The following BCAR3 variants were observed in gnomAD, a reference collection of about 807,000 sequenced individuals.
BCAR3 encodes the protein BCAR3 adaptor protein, NSP family member, also known as breast cancer anti-estrogen resistance protein 3.
Under a neutral mutation model 80.1 loss-of-function variants are expected in BCAR3, and 37 were observed. That is an observed-to-expected ratio of 0.46 (90% CI 0.36 to 0.61). The LOEUF is 0.61. Among genes scored for constraint, BCAR3 ranks in the 20% least tolerant of loss-of-function variants. BCAR3 has a pLI of 0.00. For synonymous variants in BCAR3, 389 were observed against 418.9 expected (o/e 0.93, Z 0.87); for missense variants, 978 against 1,068.2 (o/e 0.92, Z 1.18).
chr1:93,634,347 C>A (rs1675712841), intron 3 of BCAR3, among the ~76,000 whole-genome samples: 2 of 151,976 alleles, frequency 1.3e-5, no homozygotes, highest in South Asian at 4.2e-4. Context: ...CAGGTCTTTC[C>A]CATGCTGTTC....
At chr1:93,659,555 T>C (rs749192676) in intron 2 of BCAR3, among the ~76,000 whole-genome samples, 1 of 151,774 alleles carries the variant, frequency 6.6e-6, no homozygotes, top group African/African-American at 2.4e-5. Flanking sequence ...TCTACTATAA[T>C]AGAAATATAT....
intron 2 of BCAR3, among the ~76,000 whole-genome samples, chr1:93,796,181 C>T (rs951344786): frequency 8.9e-6 from 1 of 112,708 alleles, no homozygotes; most frequent in African/African-American, 4.5e-5. Context: ...TGGTGGGCTC[C>T]ACCCAGTTCG....
At chr1:93,565,943 T>C (rs1219134836) in intron 11 of BCAR3, among the ~76,000 whole-genome samples, 1 of 152,226 alleles carries the variant, frequency 6.6e-6, no homozygotes, top group Non-Finnish European at 1.5e-5. Flanking sequence ...ATGACTGCCT[T>C]GGCAAAGCCC....
chr1:93,793,248 C>A (rs1653177210), intron 2 of BCAR3, among the ~76,000 whole-genome samples: 1 of 58,242 alleles, frequency 1.7e-5, no homozygotes, highest in African/African-American at 1.2e-4. Context: ...CCTCCTTGCA[C>A]CTCTGGTAGA....
chr1:93,668,702 C>CTTT (rs113398047), intron 2 of BCAR3, among the ~76,000 whole-genome samples: 42 of 144,064 alleles, frequency 2.9e-4, no homozygotes, highest in African/African-American at 1.0e-3. Context: ...CTAATAAAAG[C>CTTT]TTTTTTTTTT....
chr1:93,723,644 C>T (rs953159585), intron 2 of BCAR3: 1 of 152,174 alleles, frequency 6.6e-6, no homozygotes, highest in African/African-American at 2.4e-5. Context: ...CTTTCTCTGC[C>T]ACAGGAGCCT....
Position 93,719,633 on chromosome 1 carries a change from T to C in BCAR3, c.-62-13491A>G, listed in dbSNP as rs371107408. ...CTGGGATTACAGGTGTCAGCCACCCTGCCCAGCCTCTATATTTAAACTTTC... is the reference window on the plus strand; with the variant it reads ...CTGGGATTACAGGTGTCAGCCACCCCGCCCAGCCTCTATATTTAAACTTTC... On this transcript the variant is annotated intron_variant, in intron 2 of 13. Transcript: ENST00000370244. 1.5e-3 allele frequency among the ~76,000 whole-genome samples: 235 copies of C among 152,258 alleles called. 1 individual carries two copies. Among genetic ancestry groups the C allele is most frequent in the African/African-American group, 5.4e-3 (226 of 41,544 alleles).
chr1:93,701,717 A>G (rs566821614), intron 3 of BCAR3, among the ~76,000 whole-genome samples: 1 of 152,222 alleles, frequency 6.6e-6, no homozygotes, highest in East Asian at 1.9e-4. Context: ...GCCTCTCTCC[A>G]AGGATGATTC....
At chr1:93,748,110 A>T (rs1301114408) in intron 2 of BCAR3, among the ~76,000 whole-genome samples, 5 of 152,118 alleles carry the variant, frequency 3.3e-5, no homozygotes, top group Non-Finnish European at 2.9e-5. Flanking sequence ...TAATTCATTC[A>T]TTTATTTATT....
chr1:93,799,776 T>G (rs1274589168), intron 2 of BCAR3, among the ~76,000 whole-genome samples: 1 of 152,186 alleles, frequency 6.6e-6, no homozygotes, highest in African/African-American at 2.4e-5. Context: ...TGAAAAATAG[T>G]TGGGCTTCCA....
intron 2 of BCAR3, among the ~76,000 whole-genome samples, chr1:93,785,120 A>C (rs1253654541): frequency 6.6e-6 from 1 of 152,236 alleles, no homozygotes; most frequent in South Asian, 2.1e-4. Context: ...GTGTCCTTCA[A>C]ACAAGAAACA....
chr1:93,767,757 T>C, intron 2 of BCAR3, among the ~76,000 whole-genome samples: 1 of 152,150 alleles, frequency 6.6e-6, no homozygotes, highest in African/African-American at 2.4e-5. Context: ...AATCCTAATG[T>C]AACAGAAATA....
intron 7 of BCAR3, among the ~76,000 whole-genome samples, chr1:93,576,586 A>G (rs1425185704): frequency 6.6e-6 from 1 of 152,194 alleles, no homozygotes; most frequent in Admixed American, 6.5e-5. Flanking sequence ...TTCTCACTTA[A>G]CAGCCACAGC....
At chr1:93,574,911 T>C (rs1286539375) in intron 8 of BCAR3, among the ~76,000 whole-genome samples, 1 of 152,218 alleles carries the variant, frequency 6.6e-6, no homozygotes, top group Non-Finnish European at 1.5e-5. Flanking sequence ...TCCTCCCACA[T>C]GGCTGCAATT....
At chr1:93,774,858 G>A (rs372847178) in intron 2 of BCAR3, among the ~76,000 whole-genome samples, 4 of 152,138 alleles carry the variant, frequency 2.6e-5, no homozygotes, top group South Asian at 2.1e-4. Context: ...TCCTTGCCAG[G>A]GAATTCCAAA....
chr1:93,647,664 C>T (rs1166070424), intron 2 of BCAR3, among the ~76,000 whole-genome samples: 1 of 152,190 alleles, frequency 6.6e-6, no homozygotes, highest in Non-Finnish European at 1.5e-5. Flanking sequence ...TTGGTTATGA[C>T]TTAGTAACTA....
intron 2 of BCAR3, among the ~76,000 whole-genome samples, chr1:93,719,798 G>C (rs1650330513): frequency 6.6e-6 from 1 of 152,200 alleles, no homozygotes. Context: ...CGGCAATTCT[G>C]ATGGAGAGAG....
chr1:93,628,062 T>C (rs1675503821), intron 3 of BCAR3, among the ~76,000 whole-genome samples: 1 of 152,210 alleles, frequency 6.6e-6, no homozygotes, highest in Non-Finnish European at 1.5e-5. Context: ...TGACCCATTA[T>C]GTGACACTGA....
At chr1:93,583,378 G>A (rs1392943862) in intron 6 of BCAR3, among the ~76,000 whole-genome samples, 1 of 152,194 alleles carries the variant, frequency 6.6e-6, no homozygotes, top group Non-Finnish European at 1.5e-5. Context: ...AAGGAGAGCT[G>A]GAGACAGGGA....
Sources: gnomAD v4.1 joint callset for allele counts (sites outside exome capture counted in the v4.1 genomes callset) on GRCh38, gnomAD v4.1.1 for gene constraint, MANE v1.5 for transcripts, NCBI Gene and HGNC (gene_info 2026-07-23, HGNC 2026-07-21) for gene names.